Variants in OSBPL5 observed in about 807,000 individuals in gnomAD.
OSBPL5 encodes oxysterol-binding protein-related protein 5.
Under a neutral mutation model 111.2 loss-of-function variants are expected in OSBPL5, and 71 were observed. The observed-to-expected ratio is 0.64, with a 90% CI of 0.53 to 0.78. The LOEUF is 0.78. OSBPL5 is among the 30% of genes least tolerant of loss of function. OSBPL5 has a pLI of 0.00. For missense variants in OSBPL5, 1,210 were observed against 1,189.3 expected, an observed-to-expected ratio of 1.02 and a Z score of -0.26; for synonymous variants, 549 against 513.9, an observed-to-expected ratio of 1.07 and a Z score of -0.93.
At position 3,152,345 on chromosome 11, in the gene OSBPL5, A is replaced by G. The variant is rs78841018; in HGVS notation, c.-22+12871T>C. 9.3e-3 allele frequency among the ~76,000 whole-genome samples: 1,420 copies of G among 152,352 alleles called. 23 individuals carry two copies. The highest frequency in any genetic ancestry group is 0.032 in the African/African-American group (1,346 of 41,592). On this transcript the variant is annotated intron_variant, in intron 1 of 21. Coordinates refer to ENST00000263650, the MANE Select transcript of OSBPL5 (RefSeq NM_020896.4). ...CTAGGTATAAAGGTACTTCAAAAAG[A>G]AGTGAGTTGATTTATTAAAGATCTA...
At chr11:3,090,482 C>A in intron 20 of OSBPL5, 76 bp downstream of exon 20, 1 of 1,554,282 alleles carries the variant, frequency 6.4e-7, no homozygotes, top group South Asian at 1.2e-5. Context: ...GCTTCTCTGG[C>A]CTCCCCTCCA....
chr11:3,157,732 T>C (rs905039991), intron 1 of OSBPL5, among the ~76,000 whole-genome samples: 1 of 152,134 alleles, frequency 6.6e-6, no homozygotes, highest in Non-Finnish European at 1.5e-5. Context: ...CTCACAACAA[T>C]CAGATGAGCG....
At position 3,144,945 on chromosome 11, in the gene OSBPL5, T is replaced by C. The variant is rs753329470; in HGVS notation, c.-21-15776A>G. 3.9e-5 allele frequency among the ~76,000 whole-genome samples: 6 copies of C among 152,232 alleles called. No individual in the cohort carries two copies. In the South Asian group the frequency reaches 1.2e-3, roughly 31 times the overall value. Reference sequence around the variant, plus strand: ...AAGCAAGGCCACATCCACAAGTACCTGGGGTTAGGACCTGGACACATTTTT... The same window carrying C: ...AAGCAAGGCCACATCCACAAGTACCCGGGGTTAGGACCTGGACACATTTTT... On this transcript the variant is annotated intron_variant, in intron 1 of 21. Transcript: ENST00000263650.
intron 6 of OSBPL5, 52 bp from the exon 7 acceptor site, chr11:3,119,683 G>T: frequency 4.6e-6 from 7 of 1,527,670 alleles, no homozygotes; most frequent in Non-Finnish European, 6.2e-6. Flanking sequence ...AGGGCCAGCT[G>T]CACAGATAGG....
Position 3,126,486 on chromosome 11 carries a change from G to A in OSBPL5, c.206C>T (p.Thr69Met), listed in dbSNP as rs757118246. The A allele has an allele frequency of 8.1e-6, 13 of 1,608,742 alleles. No individual in the cohort carries two copies. The highest frequency in any genetic ancestry group is 4.0e-5 in the African/African-American group (3 of 74,766). The change falls in exon 3 of 22, where the codon ACG becomes ATG. Residue 69 changes from threonine (T) to methionine (M), a missense_variant. Transcript: ENST00000263650. This position sits in a 1 kb window ranked among gnomAD's most constrained non-coding sequence, Gnocchi z 6.5. ...CCAGGCTCTTACCGGTGGCACCTTCGTGGCAGAGCTTGGGGTCGGGGGCCC... is the reference window on the plus strand; with the variant it reads ...CCAGGCTCTTACCGGTGGCACCTTCATGGCAGAGCTTGGGGTCGGGGGCCC... Reference protein sequence around the residue: ...DEGPPTPSSATKVPPAEYRLC... With the variant: ...DEGPPTPSSAMKVPPAEYRLC...
intron 7 of OSBPL5, among the ~76,000 whole-genome samples, chr11:3,116,873 G>A (rs1326065466): frequency 4.9e-3 from 574 of 117,318 alleles, no homozygotes; most frequent in Middle Eastern, 0.014. Flanking sequence ...AAAAAAAAAA[G>A]AAGTGTGAAG....
chr11:3,101,918 T>G (rs113414493), intron 12 of OSBPL5, among the ~76,000 whole-genome samples: 25,163 of 151,972 alleles, frequency 0.17, 2,490 homozygotes, highest in African/African-American at 0.28. Flanking sequence ...GCCCCAGAAG[T>G]CCCCATCGGG....
rs973167792 is a variant in OSBPL5, at chr11:3,093,749, G to A, written c.1806C>T (p.His602=). ...GCCCTGAGGGACGGCCCCTTACCCA[G>A]TGGCCACTGAGGCTCGCCAGGACTT... ...GEEVLASLSG[H]WDRDVFIKEE... Residue 602 remains histidine (H), a synonymous_variant, in exon 16 of 22, where the codon CAC becomes CAT. Transcript: ENST00000263650. 11 of 1,613,052 alleles carry A rather than the reference G, an allele frequency of 6.8e-6. No homozygotes were observed. Among genetic ancestry groups the A allele is most frequent in the Non-Finnish European group, 8.5e-6 (10 of 1,179,976 alleles).
rs150652462 is a variant in OSBPL5 at position 3,105,882 on chromosome 11, C to T, written c.1059+1381G>A. 7.8e-3 allele frequency among the ~76,000 whole-genome samples: 1,189 copies of T among 152,312 alleles called. 7 individuals are homozygous for T. Among genetic ancestry groups the T allele is most frequent in the Admixed American group, 0.012 (185 of 15,306 alleles). ...GCTGAGATCTACCCAATCCAACTTC[C>T]GAAATACCCTGAGTCTGCCCACTTC... On this transcript the variant is annotated intron_variant, in intron 9 of 21. Transcript: ENST00000263650. This position sits in a 1 kb window ranked among gnomAD's most constrained non-coding sequence, Gnocchi z 5.2.
At chr11:3,122,971 C>T (rs897325089) in intron 3 of OSBPL5, among the ~76,000 whole-genome samples, 5 of 152,220 alleles carry the variant, frequency 3.3e-5, no homozygotes, top group East Asian at 1.9e-4. Context: ...CTTCCCCCTA[C>T]GGTACCCAGC....
intron 14 of OSBPL5, among the ~76,000 whole-genome samples, chr11:3,097,385 C>T (rs540854461): frequency 6.8e-4 from 104 of 152,176 alleles, no homozygotes; most frequent in South Asian, 2.7e-3. Flanking sequence ...ATTGGGCCTG[C>T]GCTCCGGGGT....
At chr11:3,112,077 G>GTGTGTGTGCA (rs71464200) in intron 7 of OSBPL5, among the ~76,000 whole-genome samples, 1 of 98,746 alleles carries the variant, frequency 1.0e-5, no homozygotes, top group African/African-American at 3.4e-5. Context: ...GTGTGTGCAT[G>GTGTGTGTGCA]TGTGTGTGCA....
chr11:3,104,372 G>C lies in OSBPL5; in HGVS notation c.1065C>G (p.Gly355=). 1 of 1,608,990 alleles carries C rather than the reference G, an allele frequency of 6.2e-7. No homozygotes were observed. Among genetic ancestry groups the C allele is most frequent in the Non-Finnish European group, 8.5e-7 (1 of 1,179,566 alleles). The change falls in exon 10 of 22, where the codon GGC becomes GGG. Residue 355 remains glycine (G), a synonymous_variant. Transcript: ENST00000263650. The surrounding 1 kb of genome is among the most constrained non-coding windows in gnomAD (Gnocchi z 5.0). ...ACACTGTCTCCACCTGGGACGCCTC[G>C]CCCAGCTGCAGCAGACAGGCTGCAG... is the stretch of plus-strand genomic sequence containing the variant. ...EQVQEELGEL[G]EASQVETVSE... is the part of the protein sequence containing the mutation.
At position 3,105,362 on chromosome 11, in the gene OSBPL5, A is replaced by T. The variant is rs78672065; in HGVS notation, c.1060-985T>A. ...TCTGTGCACGCATGGCCACGGACAG[A>T]TCCTGGTGGCACTGGCCCAGTGGAC... On this transcript the variant is annotated intron_variant, in intron 9 of 21. Coordinates refer to ENST00000263650, the MANE Select transcript of OSBPL5 (RefSeq NM_020896.4). This position sits in a 1 kb window ranked among gnomAD's most constrained non-coding sequence, Gnocchi z 5.2. Among the ~76,000 whole-genome samples, 486 of 152,218 alleles carry T rather than the reference A, an allele frequency of 3.2e-3. 4 individuals carry two copies. Among genetic ancestry groups the T allele is most frequent in the African/African-American group, 9.4e-3 (390 of 41,534 alleles).
chr11:3,096,947 G>A (rs11025362), intron 14 of OSBPL5, among the ~76,000 whole-genome samples: 879 of 124,714 alleles, frequency 7.0e-3, no homozygotes, highest in East Asian at 0.017. Flanking sequence ...AAAGAGGGAG[G>A]AGATGGGAGG....
rs12807595 is a variant in OSBPL5, at chr11:3,112,101, A to G, written c.692-4156T>C. On this transcript the variant is annotated intron_variant, in intron 7 of 21. Transcript: ENST00000263650. ...TGTGTGTGTGCATGTGTGTGTGCATATGTGTGTGTGCATGTGTGTGTGTGC... is the reference window on the plus strand; with the variant it reads ...TGTGTGTGTGCATGTGTGTGTGCATGTGTGTGTGTGCATGTGTGTGTGTGC... Among the ~76,000 whole-genome samples the G allele has an allele frequency of 1.9e-3, 229 of 123,564 alleles. 1 individual carries two copies. The highest frequency in any genetic ancestry group is 7.9e-3 in the African/African-American group (207 of 26,118). 81.1% of individuals were successfully genotyped at this position (123,564 alleles called of 152,430 possible).
chr11:3,126,006 A>T lies in OSBPL5; in HGVS notation c.219+467T>A, dbSNP rs2412141. On this transcript the variant is annotated intron_variant, in intron 3 of 21. Transcript: ENST00000263650. This position sits in a 1 kb window ranked among gnomAD's most constrained non-coding sequence, Gnocchi z 6.5. ...CAAAGAAAAAGGAAAAAAGAAAACA[A>T]CAAATCAGAAAATAGCAAGCGTTGG... is the stretch of plus-strand genomic sequence containing the variant. Among the ~76,000 whole-genome samples the T allele has an allele frequency of 0.48, 73,186 of 151,952 alleles. 19,319 individuals carry two copies. The highest frequency in any genetic ancestry group is 0.59 in the Non-Finnish European group (40,409 of 67,930).
chr11:3,161,890 C>T lies in OSBPL5; in HGVS notation c.-22+3326G>A, dbSNP rs531811820. 7.3e-5 allele frequency among the ~76,000 whole-genome samples: 11 copies of T among 151,580 alleles called. No homozygotes were observed. Among genetic ancestry groups the T allele is most frequent in the Non-Finnish European group, 1.5e-4 (10 of 67,974 alleles). On this transcript the variant is annotated intron_variant, in intron 1 of 21. Transcript: ENST00000263650. This position sits in a 1 kb window ranked among gnomAD's most constrained non-coding sequence, Gnocchi z 8.0. ...ACCAAATGCAGATCCAAGGAGGGGC[C>T]GAAAGCAGAGGCACAGGCAGTGCAA...
At chr11:3,139,413 G>A (rs1411958924) in intron 1 of OSBPL5, among the ~76,000 whole-genome samples, 1 of 152,210 alleles carries the variant, frequency 6.6e-6, no homozygotes, top group African/African-American at 2.4e-5. Context: ...CAGGATGATG[G>A]GGGAAGGAAG....
Sources: allele counts gnomAD v4.1 joint callset (sites outside exome capture counted in the v4.1 genomes callset), GRCh38; gene constraint gnomAD v4.1.1; non-coding constraint Gnocchi (gnomAD v3.1); transcripts MANE v1.5; gene names NCBI Gene and HGNC (gene_info 2026-07-23, HGNC 2026-07-21).